Variants in TIGAR observed in about 807,000 individuals in gnomAD.
TIGAR encodes the protein fructose-2,6-bisphosphatase TIGAR.
A neutral mutation model predicts 17.9 loss-of-function variants in TIGAR; 7 were observed. The ratio of observed to expected loss-of-function variants is 0.39; its 90% CI spans 0.22 to 0.73. The LOEUF (loss-of-function observed/expected upper bound fraction) is 0.73. Among genes scored for constraint, TIGAR ranks in the 30% least tolerant of loss-of-function variants. The pLI is 0.42. For missense variants in TIGAR, 258 were observed against 327.4 expected, an observed-to-expected ratio of 0.79 and a Z score of 1.64; for synonymous variants, 94 against 108.6, an observed-to-expected ratio of 0.87 and a Z score of 0.84.
At chr12:4,330,204 A>G (rs1438404325) in intron 1 of TIGAR, among the ~76,000 whole-genome samples, 1 of 152,134 alleles carries the variant, frequency 6.6e-6, no homozygotes, top group African/African-American at 2.4e-5. Context: ...TGACATTTTA[A>G]TTATTATAAA....
chr12:4,342,108 A>G (rs908337309), intron 3 of TIGAR, among the ~76,000 whole-genome samples: 3 of 152,264 alleles, frequency 2.0e-5, no homozygotes, highest in African/African-American at 7.2e-5. Flanking sequence ...TCAGTAGCCA[A>G]TTCGATCAAC....
rs865960546 is a variant in TIGAR, at chr12:4,359,355, T to C, written c.*6664T>C. 6.6e-6 allele frequency among the ~76,000 whole-genome samples: 1 copy of C among 152,250 alleles called. No homozygotes were observed. The highest frequency in any genetic ancestry group is 2.4e-5 in the African/African-American group (1 of 41,542). ...TGTTCTGGTGACATAATCTCATCCT[T>C]CTTTAAGTACTTTCTTTCTGGTATT... On this transcript the variant is annotated 3_prime_UTR_variant, in exon 6 of 6. Transcript: ENST00000179259.
At chr12:4,335,731 G>A (rs1391223981) in intron 2 of TIGAR, 1 of 152,220 alleles carries the variant, frequency 6.6e-6, no homozygotes, top group Admixed American at 6.5e-5. Flanking sequence ...GGCATCGTTA[G>A]GAGTTCTCAT....
chr12:4,340,078 CAA>C (rs1591662858), intron 3 of TIGAR, among the ~76,000 whole-genome samples: 1 of 151,980 alleles, frequency 6.6e-6, no homozygotes, highest in Admixed American at 6.6e-5. Flanking sequence ...AGCAATCAGA[CAA>C]GAGAAAGGAA....
rs1345382288 is a variant in TIGAR, at chr12:4,354,230, A to G, written c.*1539A>G. 1 of 152,212 alleles carries G rather than the reference A, an allele frequency of 6.6e-6. No individual in the cohort carries two copies. The highest frequency in any genetic ancestry group is 1.9e-4 in the East Asian group (1 of 5,196). 9.4% of individuals were successfully genotyped at this position (152,212 alleles called of 1,614,324 possible). The stretch of plus-strand genomic sequence containing the variant: ...GTGTGTCTAGCACTACCAGTTTTCT[A>G]CCAGTATTGAAACAGGGCACGTGTT... On this transcript the variant is annotated 3_prime_UTR_variant, in exon 6 of 6. Transcript: ENST00000179259.
intron 3 of TIGAR, among the ~76,000 whole-genome samples, chr12:4,344,599 A>G (rs2120681090): frequency 6.6e-6 from 1 of 152,340 alleles, no homozygotes; most frequent in Admixed American, 6.5e-5. Context: ...GTAATCCAGC[A>G]TATAAACAGA....
chr12:4,327,607 G>A (rs1211849517), intron 1 of TIGAR, among the ~76,000 whole-genome samples: 1 of 152,180 alleles, frequency 6.6e-6, no homozygotes, highest in Non-Finnish European at 1.5e-5. Context: ...TGTAGTTTGT[G>A]TGCATATTAA....
At chr12:4,337,202 C>A in intron 3 of TIGAR, 42 bp downstream of exon 3, 2 of 1,503,384 alleles carry the variant, frequency 1.3e-6, no homozygotes, top group East Asian at 2.3e-5. Flanking sequence ...GAGCGTCACT[C>A]TATGCCCAGG....
chr12:4,333,689 G>A (rs761943016), intron 2 of TIGAR, among the ~76,000 whole-genome samples: 6 of 152,002 alleles, frequency 3.9e-5, no homozygotes, highest in Non-Finnish European at 7.4e-5. Context: ...GGCTGGTCTC[G>A]AACTAACCTG....
intron 5 of TIGAR, among the ~76,000 whole-genome samples, chr12:4,351,821 A>G (rs1864840891): frequency 6.6e-6 from 1 of 152,222 alleles, no homozygotes; most frequent in Admixed American, 6.5e-5. Flanking sequence ...CTAACCCACC[A>G]CCACCTCCTT....
chr12:4,330,544 G>T (rs1864592909), intron 1 of TIGAR, among the ~76,000 whole-genome samples: 1 of 152,172 alleles, frequency 6.6e-6, no homozygotes, highest in Admixed American at 6.5e-5. Context: ...TTTGAAAGTT[G>T]CATTATTGTT....
At position 4,358,684 on chromosome 12, in the gene TIGAR, A is replaced by C. The variant is rs949162944; in HGVS notation, c.*5993A>C. ...TTGCCTATTAGCTAATCCTTAGACCAAATTTAAATTCTGTCAATTATTTTG... is the reference window on the plus strand; with the variant it reads ...TTGCCTATTAGCTAATCCTTAGACCCAATTTAAATTCTGTCAATTATTTTG... On this transcript the variant is annotated 3_prime_UTR_variant, in exon 6 of 6. Transcript: ENST00000179259. Among the ~76,000 whole-genome samples the C allele has an allele frequency of 6.6e-6, 1 of 151,704 alleles. No homozygotes were observed.
intron 3 of TIGAR, among the ~76,000 whole-genome samples, chr12:4,342,755 AC>A (rs1864737852): frequency 6.6e-6 from 1 of 152,236 alleles, no homozygotes; most frequent in Admixed American, 6.5e-5. Context: ...ATGGAAAGGA[AC>A]AACCAGTACC....
Position 4,353,628 on chromosome 12 carries a change from A to G in TIGAR, c.*937A>G. On this transcript the variant is annotated 3_prime_UTR_variant, in exon 6 of 6. Coordinates refer to ENST00000179259, the MANE Select transcript of TIGAR (RefSeq NM_020375.3). ...GAGGCGGGCGGATCACAAGGTCAGG[A>G]ATTCTAGACCAGCCTGGCCAACAAT... 6.6e-6 allele frequency: 1 copy of G among 152,462 alleles called. No homozygotes were observed. Among genetic ancestry groups the G allele is most frequent in the Non-Finnish European group, 1.5e-5 (1 of 68,240 alleles). The allele number at this position is 152,462 out of a possible 1,614,324, so 9.4% of individuals were successfully genotyped here.
intron 3 of TIGAR, among the ~76,000 whole-genome samples, chr12:4,348,529 T>A (rs1864805673): frequency 6.6e-6 from 1 of 152,224 alleles, no homozygotes. Context: ...CCAGCAAGAT[T>A]TTTTTCTGCT....
chr12:4,350,753 G>T (rs1256529134), intron 4 of TIGAR, among the ~76,000 whole-genome samples: 1 of 151,258 alleles, frequency 6.6e-6, no homozygotes, highest in African/African-American at 2.4e-5. Flanking sequence ...CCCCAGCCTG[G>T]GTGACAGAGC....
At chr12:4,339,879 G>A (rs1048751763) in intron 3 of TIGAR, among the ~76,000 whole-genome samples, 2 of 151,968 alleles carry the variant, frequency 1.3e-5, no homozygotes, top group African/African-American at 4.8e-5. Flanking sequence ...AACAACCTAG[G>A]TACGGAAGGA....
At chr12:4,329,464 G>A (rs373012059) in intron 1 of TIGAR, among the ~76,000 whole-genome samples, 1 of 148,114 alleles carries the variant, frequency 6.8e-6, no homozygotes, top group Admixed American at 6.9e-5. Context: ...TCAGTCTCCC[G>A]AGTAGCTGGG....
At chr12:4,328,562 A>G (rs1420283175) in intron 1 of TIGAR, among the ~76,000 whole-genome samples, 2 of 150,680 alleles carry the variant, frequency 1.3e-5, no homozygotes, top group East Asian at 4.0e-4. Context: ...TTACCAAGGT[A>G]TAAATAGTTC....
Sources: gnomAD v4.1 joint callset for allele counts (sites outside exome capture counted in the v4.1 genomes callset) on GRCh38, gnomAD v4.1.1 for gene constraint, MANE v1.5 for transcripts, NCBI Gene and HGNC (gene_info 2026-07-23, HGNC 2026-07-21) for gene names.